Variants in FOXN3 observed in about 807,000 individuals in gnomAD.
The protein encoded by FOXN3 is forkhead box protein N3.
In FOXN3, 7 loss-of-function variants were observed where a neutral mutation model predicts 38.4. That is an observed-to-expected ratio of 0.18 (90% CI 0.10 to 0.34). The LOEUF is 0.34. Ranked by LOEUF, FOXN3 falls within the 10% of genes least tolerant of loss-of-function variation. FOXN3 has a pLI of 1.00. For missense variants in FOXN3, 456 were observed against 613.4 expected, an observed-to-expected ratio of 0.74 and a Z score of 2.71; for synonymous variants, 230 against 242.2, an observed-to-expected ratio of 0.95 and a Z score of 0.47.
chr14:89,350,499 G>A (rs554048981), intron 3 of FOXN3, 173 bp downstream of exon 3: 3 of 511,820 alleles, frequency 5.9e-6, no homozygotes, highest in African/African-American at 2.0e-5. Flanking sequence ...CAGCGGTAAG[G>A]TTTGTAGGAA....
chr14:89,259,287 A>G (rs1885723938), intron 4 of FOXN3, among the ~76,000 whole-genome samples: 1 of 152,210 alleles, frequency 6.6e-6, no homozygotes, highest in Non-Finnish European at 1.5e-5. Flanking sequence ...AAGGACAAGC[A>G]TCTCTCAGGT....
intron 2 of FOXN3, among the ~76,000 whole-genome samples, chr14:89,366,674 G>T (rs900081512): frequency 6.6e-6 from 1 of 151,986 alleles, no homozygotes; most frequent in Non-Finnish European, 1.5e-5. Context: ...AAGTGGAGGG[G>T]GCAGCTGACA....
intron 1 of FOXN3, among the ~76,000 whole-genome samples, chr14:89,460,548 T>A (rs2139726812): frequency 6.6e-6 from 1 of 152,260 alleles, no homozygotes; most frequent in South Asian, 2.1e-4. Flanking sequence ...TTAGCCTGCA[T>A]CCAGGAGTCA....
At chr14:89,561,108 T>C (rs1895239794) in intron 1 of FOXN3, among the ~76,000 whole-genome samples, 1 of 152,220 alleles carries the variant, frequency 6.6e-6, no homozygotes, top group African/African-American at 2.4e-5. Context: ...TAGAAGAAGA[T>C]GCATGACTGG....
chr14:89,255,852 G>A (rs1467406133), intron 4 of FOXN3, among the ~76,000 whole-genome samples: 7 of 152,182 alleles, frequency 4.6e-5, no homozygotes, highest in African/African-American at 1.7e-4. Context: ...ATAGGAGTAA[G>A]AAGCAGGAGT....
intron 4 of FOXN3, among the ~76,000 whole-genome samples, chr14:89,250,019 TGCAAA>T (rs1885409382): frequency 6.6e-6 from 1 of 152,242 alleles, no homozygotes; most frequent in South Asian, 2.1e-4. Flanking sequence ...TTCTGTGGCC[TGCAAA>T]GTCTATTAGA....
chr14:89,231,009 G>A (rs981536035), intron 4 of FOXN3: 1 of 354,254 alleles, frequency 2.8e-6, no homozygotes. Context: ...CAGGACTTGA[G>A]GTTGATGATA....
intron 4 of FOXN3, among the ~76,000 whole-genome samples, chr14:89,229,445 G>A (rs544796129): frequency 6.6e-6 from 1 of 152,204 alleles, no homozygotes; most frequent in Admixed American, 6.5e-5. Context: ...TGGTGGCTGT[G>A]GGATCACATG....
chr14:89,437,320 T>A (rs1029012291), intron 1 of FOXN3, among the ~76,000 whole-genome samples: 1 of 152,174 alleles, frequency 6.6e-6, no homozygotes, highest in Non-Finnish European at 1.5e-5. Flanking sequence ...CAACTCTGTC[T>A]AGAACCTGAG....
intron 3 of FOXN3, among the ~76,000 whole-genome samples, chr14:89,292,254 A>C (rs1886897764): frequency 6.6e-6 from 1 of 151,710 alleles, no homozygotes; most frequent in African/African-American, 2.4e-5. Context: ...AGGACTGATG[A>C]TTTCTTATCT....
chr14:89,333,946 T>G (rs2080307), intron 3 of FOXN3, among the ~76,000 whole-genome samples: 127,793 of 142,798 alleles, frequency 0.89, 58,856 homozygotes, highest in East Asian at 1. Context: ...ACAGATAAAT[T>G]AATGAAGAAA....
At chr14:89,230,862 AT>A (rs1213631677) in intron 4 of FOXN3, 2 of 455,718 alleles carry the variant, frequency 4.4e-6, no homozygotes, top group African/African-American at 4.0e-5. Flanking sequence ...GAAGGTTTTC[AT>A]TTTTCTGTTG....
intron 1 of FOXN3, among the ~76,000 whole-genome samples, chr14:89,492,464 A>G (rs1288692297): frequency 6.6e-6 from 1 of 152,142 alleles, no homozygotes; most frequent in East Asian, 1.9e-4. Context: ...AAGTTTCCCA[A>G]GGTCCGCACC....
chr14:89,279,229 T>C (rs76512764), intron 4 of FOXN3, among the ~76,000 whole-genome samples: 9,519 of 152,282 alleles, frequency 0.063, 410 homozygotes, highest in Non-Finnish European at 0.093. Context: ...ATCTGAAATC[T>C]GTACTAGTTT....
chr14:89,177,053 C>G (rs1887540711), intron 5 of FOXN3, among the ~76,000 whole-genome samples: 1 of 145,954 alleles, frequency 6.9e-6, no homozygotes, highest in Non-Finnish European at 1.5e-5. Flanking sequence ...CCCTGTTGCC[C>G]AGGCTGGAGT....
At chr14:89,374,024 G>T (rs1433408124) in intron 2 of FOXN3, among the ~76,000 whole-genome samples, 1 of 152,004 alleles carries the variant, frequency 6.6e-6, no homozygotes, top group African/African-American at 2.4e-5. Context: ...CCAGCATTTT[G>T]GGAGGCCGAT....
chr14:89,522,381 C>A (rs1310140935), intron 1 of FOXN3, among the ~76,000 whole-genome samples: 1 of 152,078 alleles, frequency 6.6e-6, no homozygotes, highest in Non-Finnish European at 1.5e-5. Flanking sequence ...GTCCTTCAGG[C>A]AGAGAGACAG....
At chr14:89,406,462 G>A (rs1891391555) in intron 2 of FOXN3, among the ~76,000 whole-genome samples, 1 of 151,972 alleles carries the variant, frequency 6.6e-6, no homozygotes, top group South Asian at 2.1e-4. Flanking sequence ...AAGGAATTAG[G>A]TTCCTTCCAA....
At position 89,255,454 on chromosome 14, in the gene FOXN3, A is replaced by G. The variant is rs1047086023; in HGVS notation, c.745+25496T>C. ...TGGTTCTCTCGGTGTCAGACGCAAC[A>G]GTACTAGGCTCTAGGAATGGCGAGA... On this transcript the variant is annotated intron_variant, in intron 4 of 5. Coordinates refer to ENST00000557258, the MANE Select transcript of FOXN3 (RefSeq NM_005197.4). Among the ~76,000 whole-genome samples the G allele has an allele frequency of 5.3e-5, 8 of 152,298 alleles. No homozygotes were observed. The East Asian group carries it at 1.2e-3, about 22-fold the overall frequency.
Sources: gnomAD v4.1 joint callset for allele counts (sites outside exome capture counted in the v4.1 genomes callset) on GRCh38, gnomAD v4.1.1 for gene constraint, MANE v1.5 for transcripts, NCBI Gene and HGNC (gene_info 2026-07-23, HGNC 2026-07-21) for gene names.